The following UBXN7 variants were observed in gnomAD, a reference collection of about 807,000 sequenced individuals.
The protein encoded by UBXN7 is UBX domain protein 7.
In UBXN7, 9 loss-of-function variants were observed where a neutral mutation model predicts 58.0. The observed-to-expected ratio is 0.16, with a 90% CI of 0.09 to 0.27. The LOEUF (loss-of-function observed/expected upper bound fraction) is 0.27. Among genes scored for constraint, UBXN7 ranks in the 10% least tolerant of loss-of-function variants. The pLI is 1.00. For missense variants in UBXN7, 328 were observed against 599.6 expected (o/e 0.55, Z 4.73); for synonymous variants, 208 against 205.0 (o/e 1.01, Z -0.12).
At chr3:196,394,587 G>A (rs900217607) in intron 3 of UBXN7, among the ~76,000 whole-genome samples, 2 of 150,874 alleles carry the variant, frequency 1.3e-5, no homozygotes, top group Non-Finnish European at 2.9e-5. Flanking sequence ...TGGGCAAGAA[G>A]AGTGAAACTC....
intron 2 of UBXN7, among the ~76,000 whole-genome samples, chr3:196,406,763 T>C (rs1004326246): frequency 6.6e-6 from 1 of 152,278 alleles, no homozygotes; most frequent in African/African-American, 2.4e-5. Context: ...GCATTTTTCA[T>C]AGCAACTCAA....
chr3:196,382,096 C>T (rs959830308), intron 5 of UBXN7, among the ~76,000 whole-genome samples: 15 of 152,140 alleles, frequency 9.9e-5, no homozygotes, highest in African/African-American at 3.4e-4. Context: ...ACTTCCCCAA[C>T]CTAGCAAGGC....
intron 5 of UBXN7, among the ~76,000 whole-genome samples, chr3:196,379,749 AT>A (rs1729143117): frequency 6.6e-6 from 1 of 152,128 alleles, no homozygotes; most frequent in South Asian, 2.1e-4. Context: ...TATCTTCGGT[AT>A]CATCCCTTCT....
chr3:196,406,218 A>C (rs1054513071), intron 2 of UBXN7, among the ~76,000 whole-genome samples: 1 of 151,888 alleles, frequency 6.6e-6, no homozygotes, highest in African/African-American at 2.4e-5. Context: ...TTTTTTGTAG[A>C]GACAGGGTTT....
chr3:196,402,132 T>C (rs1387180989), intron 3 of UBXN7, among the ~76,000 whole-genome samples: 2 of 152,158 alleles, frequency 1.3e-5, no homozygotes, highest in African/African-American at 4.8e-5. Flanking sequence ...GCAATTCTCA[T>C]GCCTCAGCCT....
At chr3:196,390,915 G>A (rs1314500624) in intron 5 of UBXN7, among the ~76,000 whole-genome samples, 2 of 152,020 alleles carry the variant, frequency 1.3e-5, no homozygotes, top group African/African-American at 4.8e-5. Flanking sequence ...TCCTCCTAAT[G>A]CAAGAGAATG....
rs1168999477 is a variant in UBXN7 at position 196,355,148 on chromosome 3, G to A, written c.*1537C>T. On this transcript the variant is annotated 3_prime_UTR_variant, in exon 11 of 11. Coordinates refer to ENST00000296328, the MANE Select transcript of UBXN7 (RefSeq NM_015562.2). ...TAGATGAAAACCTAAAGGTCTCTAC[G>A]CAACATCTGAGGAACATACGCTCCT... The A allele has an allele frequency of 1.3e-5, 2 of 152,094 alleles. No homozygotes were observed. The highest frequency in any genetic ancestry group is 2.1e-4 in the South Asian group (1 of 4,822). The allele number at this position is 152,094 out of a possible 1,614,324, so 9.4% of individuals were successfully genotyped here. A position where few individuals can be genotyped will look rare whatever the true frequency, so the allele number is the denominator to read the frequency against.
chr3:196,400,424 G>A (rs1577462406), intron 3 of UBXN7: 2 of 152,946 alleles, frequency 1.3e-5, no homozygotes, highest in Admixed American at 6.5e-5. Flanking sequence ...TCTCAGTGTC[G>A]TCCTTACTGT....
At chr3:196,361,757 A>C in intron 10 of UBXN7, 87 bp downstream of exon 10, 1 of 1,126,290 alleles carries the variant, frequency 8.9e-7, no homozygotes, top group South Asian at 1.4e-5. Context: ...ATGTAAACAT[A>C]ACTTTTATAT....
intron 5 of UBXN7, among the ~76,000 whole-genome samples, chr3:196,376,162 T>C (rs1342161254): frequency 1.3e-5 from 2 of 152,254 alleles, no homozygotes; most frequent in Non-Finnish European, 1.5e-5. Flanking sequence ...ATTACAATTT[T>C]ATTTTTCCTT....
intron 1 of UBXN7, among the ~76,000 whole-genome samples, chr3:196,413,371 A>G (rs1730390742): frequency 6.6e-6 from 1 of 152,204 alleles, no homozygotes. Flanking sequence ...ATTTTGTTAT[A>G]TACGTGTTAA....
Position 196,349,923 on chromosome 3 carries a change from A to C in UBXN7, c.*6762T>G, listed in dbSNP as rs1728173239. 1 of 152,166 alleles carries C rather than the reference A, an allele frequency of 6.6e-6. No homozygotes were observed. The highest frequency in any genetic ancestry group is 1.5e-5 in the Non-Finnish European group (1 of 68,028). The allele number at this position is 152,166 out of a possible 1,614,324, so 9.4% of individuals were successfully genotyped here. A position where few individuals can be genotyped will look rare whatever the true frequency, so the allele number is the denominator to read the frequency against. On this transcript the variant is annotated 3_prime_UTR_variant, in exon 11 of 11. Coordinates refer to ENST00000296328, the MANE Select transcript of UBXN7 (RefSeq NM_015562.2). ...GCTTGACTATTCTTCCCATTTGAAA[A>C]CCCAAATGACCTTTAGAAGGGATAT...
At chr3:196,378,457 T>C (rs1729098728) in intron 5 of UBXN7, among the ~76,000 whole-genome samples, 1 of 152,248 alleles carries the variant, frequency 6.6e-6, no homozygotes, top group African/African-American at 2.4e-5. Flanking sequence ...GCAAGTTTAT[T>C]AAGAAAGTAA....
chr3:196,410,555 G>A (rs1389598827), intron 1 of UBXN7, among the ~76,000 whole-genome samples: 2 of 152,178 alleles, frequency 1.3e-5, no homozygotes, highest in Non-Finnish European at 2.9e-5. Flanking sequence ...CAGGCACGGA[G>A]GCTCACGCCT....
Position 196,350,700 on chromosome 3 carries a change from G to A in UBXN7, c.*5985C>T, listed in dbSNP as rs1728189458. Reference sequence around the variant, plus strand: ...TCTCTCTAGCAGGACTGACACACAGGTGAGTCAAAAACCATAACCATCACT... The same window carrying A: ...TCTCTCTAGCAGGACTGACACACAGATGAGTCAAAAACCATAACCATCACT... On this transcript the variant is annotated 3_prime_UTR_variant, in exon 11 of 11. Coordinates refer to ENST00000296328, the MANE Select transcript of UBXN7 (RefSeq NM_015562.2). The A allele has an allele frequency of 6.8e-6, 1 of 147,792 alleles. No homozygotes were observed. Among genetic ancestry groups the A allele is most frequent in the Non-Finnish European group, 1.5e-5 (1 of 66,586 alleles). The allele number at this position is 147,792 out of a possible 1,614,324, so 9.2% of individuals were successfully genotyped here.
At chr3:196,392,777 T>C (rs933179395) in intron 4 of UBXN7, among the ~76,000 whole-genome samples, 7 of 152,132 alleles carry the variant, frequency 4.6e-5, no homozygotes, top group African/African-American at 1.4e-4. Flanking sequence ...CACTCCAGCC[T>C]GGGTGACAGA....
chr3:196,362,914 TG>T (rs1409332756), intron 8 of UBXN7, among the ~76,000 whole-genome samples: 1 of 152,084 alleles, frequency 6.6e-6, no homozygotes, highest in African/African-American at 2.4e-5. Flanking sequence ...TGTTTTGTTT[TG>T]TTTTTGAGAT....
chr3:196,417,727 A>T (rs1221190348), intron 1 of UBXN7, among the ~76,000 whole-genome samples: 20 of 11,936 alleles, frequency 1.7e-3, no homozygotes, highest in African/African-American at 5.3e-3. Flanking sequence ...AAATGGTTAA[A>T]AAAAAAAAAA....
intron 5 of UBXN7, among the ~76,000 whole-genome samples, chr3:196,378,786 G>A (rs545205940): frequency 2.6e-5 from 4 of 151,576 alleles, no homozygotes; most frequent in African/African-American, 9.7e-5. Context: ...GGTTTTGGGG[G>A]GTTTTAGCCA....
Sources: allele counts gnomAD v4.1 joint callset (sites outside exome capture counted in the v4.1 genomes callset), GRCh38; gene constraint gnomAD v4.1.1; transcripts MANE v1.5; gene names NCBI Gene and HGNC (gene_info 2026-07-23, HGNC 2026-07-21).